The following EVC2 variants were observed in gnomAD, a reference collection of about 807,000 sequenced individuals.
EVC2 encodes EvC ciliary complex subunit 2.
Under a neutral mutation model 149.3 loss-of-function variants are expected in EVC2, and 148 were observed. The observed-to-expected ratio is 0.99, with a 90% CI of 0.87 to 1.14. EVC2 has a LOEUF of 1.14. EVC2 is among the 50% of genes most tolerant of loss of function. The pLI is 0.00. For missense variants in EVC2, 1,854 were observed against 1,627.3 expected (o/e 1.14, Z -2.40); for synonymous variants, 776 against 649.9 (o/e 1.19, Z -2.95).
rs73198168 is a variant in EVC2 at position 5,629,267 on chromosome 4, C to T, written c.1711-533G>A. Reference sequence around the variant, plus strand: ...TAACCTAGATAATGTGAGGTGTGTTCTCTGGACCTAACACTGGGCCAAGAG... The same window carrying T: ...TAACCTAGATAATGTGAGGTGTGTTTTCTGGACCTAACACTGGGCCAAGAG... On this transcript the variant is annotated intron_variant, in intron 11 of 21. Coordinates refer to ENST00000344408, the MANE Select transcript of EVC2 (RefSeq NM_147127.5). 3.6e-3 allele frequency among the ~76,000 whole-genome samples: 551 copies of T among 152,356 alleles called. 3 individuals carry two copies. Among genetic ancestry groups the T allele is most frequent in the Non-Finnish European group, 6.3e-3 (431 of 68,036 alleles).
chr4:5,654,942 C>G (rs886075334), intron 9 of EVC2, among the ~76,000 whole-genome samples: 1 of 152,218 alleles, frequency 6.6e-6, no homozygotes, highest in Admixed American at 6.5e-5. Context: ...TTCCTGCAGA[C>G]AGTGGGTATT....
intron 8 of EVC2, 101 bp from the exon 9 acceptor site, chr4:5,663,347 C>A (rs942132801): frequency 6.7e-7 from 1 of 1,489,212 alleles, no homozygotes; most frequent in Non-Finnish European, 9.3e-7. Context: ...AGTCTGAGCA[C>A]CCAATCAGCC....
intron 9 of EVC2, among the ~76,000 whole-genome samples, chr4:5,658,091 G>C (rs746537618): frequency 6.6e-6 from 1 of 152,092 alleles, no homozygotes; most frequent in Non-Finnish European, 1.5e-5. Flanking sequence ...AGTTACCAGT[G>C]CACAGGGTTG....
chr4:5,708,835 C>T (rs1253974736), upstream of EVC2: 3 of 260,142 alleles, frequency 1.2e-5, no homozygotes, highest in Non-Finnish European at 2.2e-5. Context: ...CTACCTGGGT[C>T]TGTAAGCCTC....
rs1720758113 is a variant in EVC2, at chr4:5,686,936, C to G, written c.707-1457G>C. ...TAGAGCTAAGCATGGGCATAAATAACAAGAATGGAGCAGTAAGAATAAAAA... is the reference window on the plus strand; with the variant it reads ...TAGAGCTAAGCATGGGCATAAATAAGAAGAATGGAGCAGTAAGAATAAAAA... On this transcript the variant is annotated intron_variant, in intron 5 of 21. Transcript: ENST00000344408. The surrounding 1 kb of genome is among the most constrained non-coding windows in gnomAD (Gnocchi z 5.4). Among the ~76,000 whole-genome samples the G allele has an allele frequency of 6.6e-6, 1 of 152,072 alleles. No individual in the cohort carries two copies. Among genetic ancestry groups the G allele is most frequent in the African/African-American group, 2.4e-5 (1 of 41,398 alleles).
intron 9 of EVC2, among the ~76,000 whole-genome samples, chr4:5,654,441 C>T (rs965746505): frequency 5.3e-5 from 8 of 152,202 alleles, no homozygotes; most frequent in African/African-American, 1.4e-4. Flanking sequence ...AGACGCCTCT[C>T]CCTTGCATTT....
chr4:5,565,188 TC>T, intron 21 of EVC2, 69 bp downstream of exon 21: 2 of 1,483,196 alleles, frequency 1.3e-6, no homozygotes, highest in Non-Finnish European at 9.4e-7. Context: ...ACCTCCTGCC[TC>T]CCCAGCCTGG....
At chr4:5,539,236 A>T (rs2108754176), downstream of EVC2, among the ~76,000 whole-genome samples, 1 of 152,344 alleles carries the variant, frequency 6.6e-6, no homozygotes, top group East Asian at 1.9e-4. Flanking sequence ...GATGAATCTG[A>T]CAAAAGTACA....
rs774915706 is a variant in EVC2 at position 5,576,385 on chromosome 4, CCTG to C, written c.3124_3126del (p.Gln1042del). 1 of 1,613,938 alleles carries C rather than the reference CCTG, an allele frequency of 6.2e-7. No homozygotes were observed. The highest frequency in any genetic ancestry group is 8.5e-7 in the Non-Finnish European group (1 of 1,179,938). On this transcript the variant is annotated inframe_deletion, in exon 18 of 22. Coordinates refer to ENST00000344408, the MANE Select transcript of EVC2 (RefSeq NM_147127.5). This position sits in a 1 kb window ranked among gnomAD's most constrained non-coding sequence, Gnocchi z 4.5. ...ACCCACTGCTGCCAGCTCGCCAGGG[CCTG>C]CTGCTGCTGGGCTGCCTCCTGCTGC...
At chr4:5,658,207 C>A (rs1718655303) in intron 9 of EVC2, among the ~76,000 whole-genome samples, 1 of 152,126 alleles carries the variant, frequency 6.6e-6, no homozygotes, top group African/African-American at 2.4e-5. Flanking sequence ...GCAGAAGGAG[C>A]CCTCAGCAAG....
intron 1 of EVC2, among the ~76,000 whole-genome samples, chr4:5,702,674 G>A (rs1721899563): frequency 6.6e-6 from 1 of 152,210 alleles, no homozygotes; most frequent in Non-Finnish European, 1.5e-5. Context: ...GACCATCTGG[G>A]AAATGGTTGT....
intron 16 of EVC2, among the ~76,000 whole-genome samples, chr4:5,596,019 C>G (rs1297438183): frequency 1.3e-5 from 2 of 152,218 alleles, no homozygotes; most frequent in African/African-American, 4.8e-5. Context: ...GAAGAGCTAA[C>G]TATCCTAAAT....
intron 16 of EVC2, among the ~76,000 whole-genome samples, chr4:5,590,443 C>A (rs576775460): frequency 6.6e-6 from 1 of 151,788 alleles, no homozygotes; most frequent in Non-Finnish European, 1.5e-5. Context: ...AGGTTAGACA[C>A]ACCTTGCTAC....
At chr4:5,655,005 G>C (rs1718419312) in intron 9 of EVC2, among the ~76,000 whole-genome samples, 1 of 152,166 alleles carries the variant, frequency 6.6e-6, no homozygotes, top group South Asian at 2.1e-4. Flanking sequence ...CCTACATCGT[G>C]CCTAGCGCTG....
intron 21 of EVC2, among the ~76,000 whole-genome samples, chr4:5,550,263 G>T (rs1319738948): frequency 6.6e-6 from 1 of 152,170 alleles, no homozygotes; most frequent in African/African-American, 2.4e-5. Flanking sequence ...GGAAAGTTTG[G>T]AACTCCATAG....
At position 5,697,692 on chromosome 4, in the gene EVC2, T is replaced by C. The variant is rs767783760; in HGVS notation, c.229-45A>G. 7 of 1,529,446 alleles carry C rather than the reference T, an allele frequency of 4.6e-6. 1 individual carries two copies. The highest frequency in any genetic ancestry group is 2.2e-5 in the South Asian group (2 of 89,058). The allele number at this position is 1,529,446 out of a possible 1,614,324, so 94.7% of individuals were successfully genotyped here. On this transcript the variant is annotated intron_variant, in intron 1 of 21. Transcript: ENST00000344408. ...AAGTCATTAATGGAACACATACTTCTGAGAAGTGATAATAAATAATCTTTG... is the reference window on the plus strand; with the variant it reads ...AAGTCATTAATGGAACACATACTTCCGAGAAGTGATAATAAATAATCTTTG...
At chr4:5,533,059 A>C in the EVC2 span, among the ~76,000 whole-genome samples, 3 of 150,940 alleles carry the variant, frequency 2.0e-5, no homozygotes, top group African/African-American at 7.3e-5. Flanking sequence ...ATCACGGACA[A>C]AACAGAAATC....
At chr4:5,659,625 C>G (rs886308130) in intron 9 of EVC2, among the ~76,000 whole-genome samples, 3 of 152,048 alleles carry the variant, frequency 2.0e-5, no homozygotes, top group Non-Finnish European at 4.4e-5. Flanking sequence ...GACAAGCTCC[C>G]AAGAGAAATG....
At chr4:5,565,213 T>G (rs1193870636) in intron 21 of EVC2, 45 bp downstream of exon 21, 1 of 1,593,202 alleles carries the variant, frequency 6.3e-7, no homozygotes. Context: ...ACAGGCAGCT[T>G]AGCTCACCCC....
Sources: gnomAD v4.1 joint callset for allele counts (sites outside exome capture counted in the v4.1 genomes callset) on GRCh38, gnomAD v4.1.1 for gene constraint, Gnocchi (gnomAD v3.1) non-coding constraint, MANE v1.5 for transcripts, NCBI Gene and HGNC (gene_info 2026-07-23, HGNC 2026-07-21) for gene names.